The following LRP1B variants were observed in gnomAD, a reference collection of about 807,000 sequenced individuals.
LRP1B encodes the protein LDL receptor related protein 1B, also known as low-density lipoprotein receptor-related protein 1B.
A neutral mutation model predicts 556.6 loss-of-function variants in LRP1B; 217 were observed. That is an observed-to-expected ratio of 0.39 (90% CI 0.35 to 0.44). The LOEUF is 0.44. Ranked by LOEUF, LRP1B falls within the 20% of genes least tolerant of loss-of-function variation. LRP1B has a pLI of 1.00. For synonymous variants in LRP1B, 2,047 were observed against 1,865.8 expected (o/e 1.10, Z -2.50); for missense variants, 5,053 against 5,620.8 (o/e 0.90, Z 3.23).
At chr2:140,369,318 C>A (rs558452605) in intron 71 of LRP1B, among the ~76,000 whole-genome samples, 1 of 151,974 alleles carries the variant, frequency 6.6e-6, no homozygotes, top group East Asian at 2.0e-4. Context: ...CCAGCCCAAG[C>A]AAGAAGCAAT....
Position 140,683,910 on chromosome 2 carries a change from C to T in LRP1B, c.6799+16340G>A, listed in dbSNP as rs1685953916. On this transcript the variant is annotated intron_variant, in intron 41 of 90. Transcript: ENST00000389484. ...ACTGAGGGGTCCATGCCGGGCTGCCCGCGGCTTGCCCCCCTGGATGTTGTG... is the reference window on the plus strand; with the variant it reads ...ACTGAGGGGTCCATGCCGGGCTGCCTGCGGCTTGCCCCCCTGGATGTTGTG... The T allele has an allele frequency of 1.5e-5, 7 of 473,472 alleles. No homozygotes were observed. In the Admixed American group the frequency reaches 2.0e-4, roughly 13 times the overall value. 29.3% of individuals were successfully genotyped at this position (473,472 alleles called of 1,614,324 possible). A position where few individuals can be genotyped will look rare whatever the true frequency, so the allele number is the denominator to read the frequency against.
In LRP1B at chr2:141,349,994, C is replaced by A. The variant is rs189028467; in HGVS notation, c.344-95353G>T. ...TGGCTGGGGAGGCCACACAATCATG[C>A]CAGAAGGTGAAAACCACATCTCACA... On this transcript the variant is annotated intron_variant, in intron 3 of 90. Transcript: ENST00000389484. 3.3e-5 allele frequency among the ~76,000 whole-genome samples: 5 copies of A among 152,080 alleles called. No individual in the cohort carries two copies. The East Asian group carries it at 9.6e-4, about 29-fold the overall frequency.
intron 7 of LRP1B, among the ~76,000 whole-genome samples, chr2:141,088,226 G>T (rs1700093776): frequency 6.6e-6 from 1 of 152,026 alleles, no homozygotes; most frequent in Non-Finnish European, 1.5e-5. Flanking sequence ...ACGAAGTAAT[G>T]ATTTTTTACA....
At chr2:142,065,205 G>A (rs1322400263) in intron 1 of LRP1B, among the ~76,000 whole-genome samples, 1 of 151,444 alleles carries the variant, frequency 6.6e-6, no homozygotes, top group East Asian at 1.9e-4. Context: ...TACAGACTTA[G>A]TGACTTAAAA....
intron 1 of LRP1B, among the ~76,000 whole-genome samples, chr2:142,121,966 C>T (rs942511318): frequency 1.3e-5 from 2 of 152,110 alleles, no homozygotes; most frequent in Non-Finnish European, 2.9e-5. Context: ...CTATTAGTAA[C>T]TCATATTAAG....
chr2:141,834,165 C>T (rs951077081), intron 1 of LRP1B, among the ~76,000 whole-genome samples: 9 of 151,722 alleles, frequency 5.9e-5, no homozygotes, highest in Middle Eastern at 3.2e-3. Flanking sequence ...CTCACGTTTT[C>T]GACTTTATTT....
At chr2:140,766,243 A>T (rs1466060584) in intron 35 of LRP1B, among the ~76,000 whole-genome samples, 1 of 151,984 alleles carries the variant, frequency 6.6e-6, no homozygotes, top group African/African-American at 2.4e-5. Context: ...GACACAACAA[A>T]AAAGGTTTCT....
chr2:140,426,983 T>TC (rs1685687471), intron 66 of LRP1B, among the ~76,000 whole-genome samples: 1 of 152,040 alleles, frequency 6.6e-6, no homozygotes, highest in Non-Finnish European at 1.5e-5. Flanking sequence ...TTCTCCAACC[T>TC]CCCTCACTAT....
chr2:140,960,221 C>T (rs139879746), intron 18 of LRP1B, among the ~76,000 whole-genome samples: 235 of 151,738 alleles, frequency 1.5e-3, no homozygotes, highest in African/African-American at 5.4e-3. Context: ...GAAAGAGAAG[C>T]AAATGACACT....
chr2:141,112,391 T>C (rs1331226133), intron 7 of LRP1B, among the ~76,000 whole-genome samples: 2 of 152,182 alleles, frequency 1.3e-5, no homozygotes, highest in East Asian at 1.9e-4. Context: ...TCTTTGCTTT[T>C]GGTTGGTAAT....
chr2:141,331,729 G>A (rs1175479722), intron 3 of LRP1B, among the ~76,000 whole-genome samples: 1 of 152,070 alleles, frequency 6.6e-6, no homozygotes, highest in Admixed American at 6.5e-5. Flanking sequence ...GTACTGTAAT[G>A]TCTTTGGAAA....
At chr2:140,475,643 A>G (rs1573980594) in intron 59 of LRP1B, among the ~76,000 whole-genome samples, 1 of 151,718 alleles carries the variant, frequency 6.6e-6, no homozygotes, top group South Asian at 2.1e-4. Flanking sequence ...ATATATGTAA[A>G]CTTTCAAAAG....
chr2:142,121,087 A>G (rs1707442375), intron 1 of LRP1B, among the ~76,000 whole-genome samples: 1 of 152,158 alleles, frequency 6.6e-6, no homozygotes, highest in African/African-American at 2.4e-5. Context: ...CCTCCCTAAT[A>G]CATAGAATGG....
intron 7 of LRP1B, among the ~76,000 whole-genome samples, chr2:141,129,643 A>G (rs555728726): frequency 6.6e-6 from 1 of 152,194 alleles, no homozygotes; most frequent in East Asian, 1.9e-4. Flanking sequence ...ATTGGATATA[A>G]ATCTGTAAAA....
intron 3 of LRP1B, among the ~76,000 whole-genome samples, chr2:141,348,378 A>G (rs572262395): frequency 6.6e-6 from 1 of 152,064 alleles, no homozygotes; most frequent in South Asian, 2.1e-4. Context: ...GCACAAAATG[A>G]TGATAACTTC....
chr2:141,357,450 G>A (rs1688668591), intron 3 of LRP1B, among the ~76,000 whole-genome samples: 1 of 152,124 alleles, frequency 6.6e-6, no homozygotes, highest in Admixed American at 6.5e-5. Flanking sequence ...TTGTAACTAT[G>A]AGGAGTCAAA....
chr2:142,015,588 C>T (rs1445290171), intron 1 of LRP1B, among the ~76,000 whole-genome samples: 1 of 151,972 alleles, frequency 6.6e-6, no homozygotes, highest in African/African-American at 2.4e-5. Context: ...AACAGGCAAC[C>T]CCTACAGAAT....
chr2:141,941,350 G>A (rs551055237), intron 1 of LRP1B, among the ~76,000 whole-genome samples: 5 of 152,288 alleles, frequency 3.3e-5, no homozygotes, highest in Admixed American at 6.5e-5. Context: ...TTGCTTGATG[G>A]TGTATTTGCT....
chr2:140,558,345 A>G (rs549887411), intron 43 of LRP1B, among the ~76,000 whole-genome samples: 1 of 152,310 alleles, frequency 6.6e-6, no homozygotes, highest in African/African-American at 2.4e-5. Context: ...CAAAAAGTAG[A>G]AATAACTCAA....
Sources: allele counts gnomAD v4.1 joint callset (sites outside exome capture counted in the v4.1 genomes callset), GRCh38; gene constraint gnomAD v4.1.1; transcripts MANE v1.5; gene names NCBI Gene and HGNC (gene_info 2026-07-23, HGNC 2026-07-21).